Variants in RNF150 observed in about 807,000 individuals in gnomAD.
RNF150 encodes ring finger protein 150.
RNF150 carries 24 observed loss-of-function variants against 39.3 expected under a neutral mutation model. The ratio of observed to expected loss-of-function variants is 0.61; its 90% CI spans 0.44 to 0.86. RNF150 has a LOEUF of 0.86. RNF150 is among the 40% of genes least tolerant of loss of function. RNF150 has a pLI of 0.00. For missense variants in RNF150, 502 were observed against 587.8 expected (o/e 0.85, Z 1.51); for synonymous variants, 255 against 227.3 (o/e 1.12, Z -1.10).
rs182215770 is a variant in RNF150, at chr4:141,044,389, T to C, written c.485-76516A>G. ...ACTGTTCAAATTCTCAAAATGGTAA[T>C]CTTTATAAATGAACTCTGGGTCTAC... On this transcript the variant is annotated intron_variant, in intron 1 of 6. Coordinates refer to ENST00000515673, the MANE Select transcript of RNF150 (RefSeq NM_020724.2). Among the ~76,000 whole-genome samples the C allele has an allele frequency of 1.4e-4, 22 of 152,262 alleles. No homozygotes were observed. In the East Asian group the frequency reaches 4.1e-3, roughly 28 times the overall value.
At position 140,864,771 on chromosome 4, in the gene RNF150, G is replaced by A. The variant is rs752883054; in HGVS notation, c.*3490C>T. The A allele has an allele frequency of 4.6e-5, 7 of 152,142 alleles. No individual in the cohort carries two copies. The highest frequency in any genetic ancestry group is 7.3e-5 in the Non-Finnish European group (5 of 68,048). The allele number at this position is 152,142 out of a possible 1,614,324, so 9.4% of individuals were successfully genotyped here. A position where few individuals can be genotyped will look rare whatever the true frequency, so the allele number is the denominator to read the frequency against. ...CGAGGGTTTGCCATAGAAGTGAGGG[G>A]TATAATTTTGTTTCAGCACCAAATC... On this transcript the variant is annotated 3_prime_UTR_variant, in exon 7 of 7. Transcript: ENST00000515673.
intron 1 of RNF150, among the ~76,000 whole-genome samples, chr4:141,067,179 G>A (rs1009740608): frequency 1.3e-5 from 2 of 152,168 alleles, no homozygotes; most frequent in African/African-American, 4.8e-5. Flanking sequence ...GCCTAATTCA[G>A]TTTTTATGTG....
chr4:140,917,103 G>A (rs955034022), intron 5 of RNF150, among the ~76,000 whole-genome samples: 7 of 152,166 alleles, frequency 4.6e-5, no homozygotes, highest in African/African-American at 1.4e-4. Flanking sequence ...AAATTGTAAA[G>A]ACCATCAAGG....
chr4:140,941,026 C>T (rs1489011341), intron 4 of RNF150, among the ~76,000 whole-genome samples: 2 of 151,910 alleles, frequency 1.3e-5, no homozygotes, highest in South Asian at 4.1e-4. Context: ...CTTAAAGTGA[C>T]TGGAAGATTC....
At chr4:140,907,595 G>A (rs1326853319) in intron 6 of RNF150, among the ~76,000 whole-genome samples, 2 of 152,200 alleles carry the variant, frequency 1.3e-5, no homozygotes, top group Admixed American at 6.5e-5. Flanking sequence ...TAAGTAGGAA[G>A]TAAACAAATT....
chr4:141,067,185 A>G (rs1737494093), intron 1 of RNF150, among the ~76,000 whole-genome samples: 1 of 152,206 alleles, frequency 6.6e-6, no homozygotes, highest in African/African-American at 2.4e-5. Flanking sequence ...TTCAGTTTTT[A>G]TGTGCAATTG....
intron 1 of RNF150, among the ~76,000 whole-genome samples, chr4:140,974,286 CT>C (rs1229448425): frequency 5.3e-5 from 8 of 152,154 alleles, no homozygotes; most frequent in Non-Finnish European, 1.2e-4. Flanking sequence ...TCTAGATTGG[CT>C]TTTTCTCATT....
At chr4:140,869,992 G>C (rs889165468) in intron 6 of RNF150, among the ~76,000 whole-genome samples, 1 of 152,000 alleles carries the variant, frequency 6.6e-6, no homozygotes, top group African/African-American at 2.4e-5. Context: ...GAATAATAAT[G>C]GTTATAATAC....
intron 1 of RNF150, among the ~76,000 whole-genome samples, chr4:141,172,882 C>T (rs541693968): frequency 4.6e-5 from 7 of 151,960 alleles, no homozygotes; most frequent in Admixed American, 6.6e-5. Context: ...AAAAATTAGC[C>T]GGGCATGGTG....
chr4:140,869,295 C>A (rs1728837761), intron 6 of RNF150, among the ~76,000 whole-genome samples: 1 of 152,156 alleles, frequency 6.6e-6, no homozygotes, highest in South Asian at 2.1e-4. Flanking sequence ...ATATTTAAAG[C>A]TTTGTATGCA....
chr4:141,118,189 C>T (rs9790673), intron 1 of RNF150, among the ~76,000 whole-genome samples: 114,240 of 151,966 alleles, frequency 0.75, 44,511 homozygotes, highest in East Asian at 0.88. Flanking sequence ...AATACTGAGG[C>T]ATGGTCTGAC....
At chr4:140,951,897 ATAT>A (rs1732554919) in intron 2 of RNF150, among the ~76,000 whole-genome samples, 1 of 152,098 alleles carries the variant, frequency 6.6e-6, no homozygotes, top group South Asian at 2.1e-4. Flanking sequence ...GCATTATATA[ATAT>A]TGCACCTAAT....
At chr4:141,042,704 C>T (rs989891728) in intron 1 of RNF150, among the ~76,000 whole-genome samples, 4 of 152,048 alleles carry the variant, frequency 2.6e-5, no homozygotes, top group Non-Finnish European at 4.4e-5. Context: ...AGGGGTAGTG[C>T]TTCTTATTTC....
intron 1 of RNF150, among the ~76,000 whole-genome samples, chr4:141,118,352 G>A (rs1187672092): frequency 6.6e-6 from 1 of 152,170 alleles, no homozygotes; most frequent in East Asian, 1.9e-4. Flanking sequence ...AGGTTTTTCT[G>A]AGGCTGGAGC....
chr4:140,892,795 C>G (rs908499002), intron 6 of RNF150, among the ~76,000 whole-genome samples: 1 of 152,168 alleles, frequency 6.6e-6, no homozygotes, highest in Non-Finnish European at 1.5e-5. Context: ...TGTAGTGTGG[C>G]TCATGCCTGT....
At position 141,132,950 on chromosome 4, in the gene RNF150, G is replaced by C. The variant is rs965412553; in HGVS notation, c.-142C>G. 5.6e-5 allele frequency: 35 copies of C among 625,838 alleles called. No homozygotes were observed. Among genetic ancestry groups the C allele is most frequent in the Non-Finnish European group, 8.4e-5 (32 of 381,430 alleles). 38.8% of individuals were successfully genotyped at this position (625,838 alleles called of 1,614,324 possible). A position where few individuals can be genotyped will look rare whatever the true frequency, so the allele number is the denominator to read the frequency against. On this transcript the variant is annotated 5_prime_UTR_variant, in exon 1 of 7. Coordinates refer to ENST00000515673, the MANE Select transcript of RNF150 (RefSeq NM_020724.2). The surrounding 1 kb of genome is among the most constrained non-coding windows in gnomAD (Gnocchi z 4.9). ...GCCGGAGGGGCCGCGGCCGGGACGC[G>C]CAGCCGCCGCGGGGACCGGATTCCG...
At chr4:140,881,569 C>T (rs908907102) in intron 6 of RNF150, among the ~76,000 whole-genome samples, 3 of 152,058 alleles carry the variant, frequency 2.0e-5, no homozygotes, top group African/African-American at 7.2e-5. Flanking sequence ...CTTCTTTGAC[C>T]CACTGGTTAT....
In RNF150 at chr4:141,030,281, CAAA is replaced by C. The variant is rs4019263; in HGVS notation, c.485-62411_485-62409del. Reference sequence around the variant, plus strand: ...ACCTCATACCCATTATAATGGCTATCAAAAAAAAAAAACCCAGAAAATAACAAA... The same window carrying C: ...ACCTCATACCCATTATAATGGCTATCAAAAAAAAACCCAGAAAATAACAAA... On this transcript the variant is annotated intron_variant, in intron 1 of 6. Coordinates refer to ENST00000515673, the MANE Select transcript of RNF150 (RefSeq NM_020724.2). Among the ~76,000 whole-genome samples, 40 of 148,116 alleles carry C rather than the reference CAAA, an allele frequency of 2.7e-4. No homozygotes were observed. In the East Asian group the frequency reaches 3.8e-3, roughly 14 times the overall value.
intron 1 of RNF150, among the ~76,000 whole-genome samples, chr4:140,995,402 C>T (rs1219175006): frequency 6.6e-6 from 1 of 152,078 alleles, no homozygotes; most frequent in Non-Finnish European, 1.5e-5. Context: ...TATTTATAAC[C>T]ACTTTTAGTT....
Sources: gnomAD v4.1 joint callset for allele counts (sites outside exome capture counted in the v4.1 genomes callset) on GRCh38, gnomAD v4.1.1 for gene constraint, Gnocchi (gnomAD v3.1) non-coding constraint, MANE v1.5 for transcripts, NCBI Gene and HGNC (gene_info 2026-07-23, HGNC 2026-07-21) for gene names.